ZFHX3: variants seen among roughly 807,000 people sequenced by gnomAD.
The protein encoded by ZFHX3 is zinc finger homeobox protein 3.
In ZFHX3, 42 loss-of-function variants were observed where a neutral mutation model predicts 279.1. That is an observed-to-expected ratio of 0.15 (90% CI 0.12 to 0.19). The LOEUF is 0.19. ZFHX3 is among the 10% of genes least tolerant of loss of function. The pLI, the probability that ZFHX3 is intolerant of heterozygous loss-of-function variation, is 1.00. For missense variants in ZFHX3, 4,981 were observed against 4,754.0 expected (o/e 1.05, Z -1.40); for synonymous variants, 2,293 against 1,957.8 (o/e 1.17, Z -4.52).
intron 4 of ZFHX3, among the ~76,000 whole-genome samples, chr16:73,261,699 G>T: frequency 1.3e-5 from 1 of 77,302 alleles, no homozygotes. Context: ...TTTTAGGACA[G>T]AGTTTCACTC....
At chr16:73,516,121 G>GAGCT (rs2143697701) in intron 2 of ZFHX3, among the ~76,000 whole-genome samples, 1 of 152,286 alleles carries the variant, frequency 6.6e-6, no homozygotes, top group South Asian at 2.1e-4. Context: ...ACCATTCCAT[G>GAGCT]AGCTATACAA....
chr16:73,110,940 T>C (rs1966364912), intron 7 of ZFHX3, among the ~76,000 whole-genome samples: 1 of 152,168 alleles, frequency 6.6e-6, no homozygotes. Flanking sequence ...TATGATTTTA[T>C]GATTTTATGT....
intron 1 of ZFHX3, among the ~76,000 whole-genome samples, chr16:73,027,807 ACCTTTATTGAT>A (rs1453530135): frequency 6.6e-6 from 1 of 152,114 alleles, no homozygotes; most frequent in Non-Finnish European, 1.5e-5. Context: ...GATGTCACTA[ACCTTTATTGAT>A]CCACTATCAG....
chr16:73,319,679 T>C (rs2143192504), intron 3 of ZFHX3, among the ~76,000 whole-genome samples: 1 of 152,298 alleles, frequency 6.6e-6, no homozygotes, highest in East Asian at 1.9e-4. Flanking sequence ...TCAAGTTGGC[T>C]TTGAAAGTAA....
intron 1 of ZFHX3, among the ~76,000 whole-genome samples, chr16:73,845,023 A>T (rs1961411866): frequency 6.6e-6 from 1 of 152,104 alleles, no homozygotes; most frequent in Admixed American, 6.5e-5. Flanking sequence ...CTAAAGAAGG[A>T]AGAGGTGGTA....
chr16:73,569,983 G>C (rs1004893427), intron 2 of ZFHX3, among the ~76,000 whole-genome samples: 1 of 152,194 alleles, frequency 6.6e-6, no homozygotes, highest in Non-Finnish European at 1.5e-5. Context: ...ATAGGCTGCC[G>C]AGGCAGTTTC....
chr16:73,780,924 G>A (rs1959449340), intron 1 of ZFHX3, among the ~76,000 whole-genome samples: 1 of 152,188 alleles, frequency 6.6e-6, no homozygotes, highest in Non-Finnish European at 1.5e-5. Context: ...GCTATTTACA[G>A]AGAAGTCCCT....
chr16:73,822,178 T>C (rs184492), intron 1 of ZFHX3, among the ~76,000 whole-genome samples: 7,021 of 152,252 alleles, frequency 0.046, 565 homozygotes, highest in African/African-American at 0.16. Flanking sequence ...TTCCTTCCTG[T>C]GTGTGGCCTT....
At chr16:73,382,763 T>C (rs765416136) in intron 3 of ZFHX3, among the ~76,000 whole-genome samples, 1 of 152,164 alleles carries the variant, frequency 6.6e-6, no homozygotes, top group Non-Finnish European at 1.5e-5. Flanking sequence ...TGAGGGTATG[T>C]GAGGTTCAGA....
intron 5 of ZFHX3, among the ~76,000 whole-genome samples, chr16:73,191,305 G>A (rs564990924): frequency 1.6e-4 from 25 of 152,238 alleles, no homozygotes; most frequent in African/African-American, 6.0e-4. Context: ...GGCTCCCCCC[G>A]GCCGCCCCAG....
At chr16:72,976,023 T>G (rs1962332329) in intron 1 of ZFHX3, among the ~76,000 whole-genome samples, 1 of 152,202 alleles carries the variant, frequency 6.6e-6, no homozygotes. Flanking sequence ...GGGGAGAAAT[T>G]GCCAGCTCAA....
intron 2 of ZFHX3, among the ~76,000 whole-genome samples, chr16:73,488,361 C>T (rs533545897): frequency 7.8e-4 from 118 of 152,094 alleles, no homozygotes; most frequent in Non-Finnish European, 1.0e-3. Context: ...TGGACCTGCA[C>T]GGGGTGGGGT....
chr16:73,328,064 T>G (rs543403295), intron 3 of ZFHX3, among the ~76,000 whole-genome samples: 1 of 152,220 alleles, frequency 6.6e-6, no homozygotes, highest in South Asian at 2.1e-4. Flanking sequence ...TTTTTAAATT[T>G]AATTTAATTT....
intron 8 of ZFHX3, among the ~76,000 whole-genome samples, chr16:73,088,727 A>C (rs1204268596): frequency 6.6e-6 from 1 of 152,176 alleles, no homozygotes; most frequent in Non-Finnish European, 1.5e-5. Flanking sequence ...CCTGAAGTTC[A>C]AGGCAGGAGA....
At chr16:73,840,726 A>G (rs1309433024) in intron 1 of ZFHX3, among the ~76,000 whole-genome samples, 2 of 152,222 alleles carry the variant, frequency 1.3e-5, no homozygotes, top group Non-Finnish European at 2.9e-5. Flanking sequence ...GTGGTCCCAC[A>G]TTATGCAACA....
In ZFHX3 at chr16:73,253,552, C is replaced by T. The variant is rs141114998; in HGVS notation, c.-1104+3495G>A. On this transcript the variant is annotated intron_variant, in intron 5 of 17. Coordinates refer to the ZFHX3 transcript ENST00000641206. ...CTGCAAGCTCCGCCTCTCAGGTTCA[C>T]GCCATTCTCCTGCCTCAGCCTCCCT... is the stretch of plus-strand genomic sequence containing the variant. 2.3e-3 allele frequency among the ~76,000 whole-genome samples: 349 copies of T among 151,542 alleles called. 5 individuals are homozygous for T. Among genetic ancestry groups the T allele is most frequent in the Admixed American group, 0.02 (299 of 15,226 alleles).
At chr16:73,733,204 C>T (rs751838815) in intron 1 of ZFHX3, among the ~76,000 whole-genome samples, 9 of 152,082 alleles carry the variant, frequency 5.9e-5, no homozygotes, top group Non-Finnish European at 1.2e-4. Context: ...ATGGAGAAAT[C>T]GTAATGATAT....
rs374374827 is a variant in ZFHX3 at position 73,408,686 on chromosome 16, C to T, written c.-1291+47317G>A. ...CCCTCTAGGCTTGAAGTCAGGACAGCGGTGGCCTGGACATTTCCAGGGAGT... is the reference window on the plus strand; with the variant it reads ...CCCTCTAGGCTTGAAGTCAGGACAGTGGTGGCCTGGACATTTCCAGGGAGT... On this transcript the variant is annotated intron_variant, in intron 3 of 17. Coordinates refer to the ZFHX3 transcript ENST00000641206. Among the ~76,000 whole-genome samples, 35 of 152,214 alleles carry T rather than the reference C, an allele frequency of 2.3e-4. No homozygotes were observed. The South Asian group carries it at 6.4e-3, about 28-fold the overall frequency.
intron 4 of ZFHX3, among the ~76,000 whole-genome samples, chr16:72,840,867 C>A (rs1303190365): frequency 6.6e-6 from 1 of 152,154 alleles, no homozygotes; most frequent in Non-Finnish European, 1.5e-5. Context: ...AAACAAAGCA[C>A]AAACAAAAGG....
Sources: gnomAD v4.1 joint callset for allele counts (sites outside exome capture counted in the v4.1 genomes callset) on GRCh38, gnomAD v4.1.1 for gene constraint, MANE v1.5 for transcripts, NCBI Gene and HGNC (gene_info 2026-07-23, HGNC 2026-07-21) for gene names.